SKA3: variants seen among roughly 807,000 people sequenced by gnomAD.
The protein encoded by SKA3 is spindle and kinetochore-associated protein 3.
In SKA3, 39 loss-of-function variants were observed where a neutral mutation model predicts 44.2. That is an observed-to-expected ratio of 0.88 (90% CI 0.68 to 1.15). The LOEUF is 1.15. Ranked by LOEUF, SKA3 falls within the 50% of genes most tolerant of loss-of-function variation. The pLI is 0.00. For missense variants in SKA3, 511 were observed against 485.8 expected, an observed-to-expected ratio of 1.05 and a Z score of -0.49; for synonymous variants, 192 against 172.0, an observed-to-expected ratio of 1.12 and a Z score of -0.91.
chr13:21,163,836 T>C (rs533405606), intron 4 of SKA3, among the ~76,000 whole-genome samples: 2 of 152,342 alleles, frequency 1.3e-5, no homozygotes, highest in East Asian at 1.9e-4. Flanking sequence ...CGATCTCAGC[T>C]CACTGCAACC....
chr13:21,161,410 A>C (rs1197315598), intron 5 of SKA3, among the ~76,000 whole-genome samples: 1 of 152,214 alleles, frequency 6.6e-6, no homozygotes, highest in Non-Finnish European at 1.5e-5. Context: ...AGCTATTTAA[A>C]AGAAACCAAA....
At chr13:21,174,686 A>G (rs1020098578) in intron 1 of SKA3, among the ~76,000 whole-genome samples, 7 of 152,182 alleles carry the variant, frequency 4.6e-5, no homozygotes, top group African/African-American at 1.7e-4. Flanking sequence ...CATATGTAAG[A>G]AACCTGCACG....
At chr13:21,161,435 C>T (rs1180941161) in intron 5 of SKA3, among the ~76,000 whole-genome samples, 3 of 152,134 alleles carry the variant, frequency 2.0e-5, no homozygotes, top group Non-Finnish European at 4.4e-5. Flanking sequence ...AAATTGGCAG[C>T]TGATGTATTC....
chr13:21,176,283 G>T, intron 1 of SKA3, 92 bp downstream of exon 1: 1 of 994,356 alleles, frequency 1.0e-6, no homozygotes, highest in East Asian at 4.4e-5. Flanking sequence ...GTCAGTGCCT[G>T]GCGGTTCCCG....
intron 1 of SKA3, 117 bp downstream of exon 1, chr13:21,176,258 G>T: frequency 1.2e-6 from 1 of 814,882 alleles, no homozygotes; most frequent in Non-Finnish European, 1.8e-6. Flanking sequence ...CGCCTCGGTG[G>T]CAGCCGTCCA....
chr13:21,167,245 T>C (rs910973095), intron 4 of SKA3, among the ~76,000 whole-genome samples: 5 of 152,248 alleles, frequency 3.3e-5, no homozygotes, highest in Non-Finnish European at 7.3e-5. Context: ...TTGGGGTTTA[T>C]CCTAGATCAT....
rs527402885 is a variant in SKA3 at position 21,155,743 on chromosome 13, C to T, written c.1188G>A (p.Arg396=). 65 of 1,611,956 alleles carry T rather than the reference C, an allele frequency of 4.0e-5. No individual in the cohort carries two copies. The highest frequency in any genetic ancestry group is 5.3e-5 in the Non-Finnish European group (63 of 1,179,016). ...IAIKAVPPSK[R]FLKHGQNIRD... ...GGATGTTCTGTCCATGTTTAAGGAA[C>T]CTTTTACTGGGTGGCACTGCTTTAA... The change falls in exon 8 of 9, where the codon AGG becomes AGA. Residue 396 remains arginine (R), a synonymous_variant. Coordinates refer to ENST00000314759, the MANE Select transcript of SKA3 (RefSeq NM_145061.6).
chr13:21,160,322 C>T (rs1870369718), intron 5 of SKA3, among the ~76,000 whole-genome samples: 1 of 151,980 alleles, frequency 6.6e-6, no homozygotes, highest in African/African-American at 2.4e-5. Context: ...GAGAACAGGT[C>T]ACTTGTCTTC....
chr13:21,176,235 A>T, intron 1 of SKA3, 140 bp downstream of exon 1: 1 of 654,358 alleles, frequency 1.5e-6, no homozygotes, highest in Admixed American at 3.5e-5. Context: ...TGAGACGCGC[A>T]GCACCCGCCC....
At chr13:21,167,018 G>A (rs1455191983) in intron 4 of SKA3, among the ~76,000 whole-genome samples, 1 of 151,778 alleles carries the variant, frequency 6.6e-6, no homozygotes, top group Non-Finnish European at 1.5e-5. Context: ...TATTTTCATT[G>A]TAACTCTTAC....
chr13:21,161,747 T>A, intron 5 of SKA3, 43 bp downstream of exon 5: 1 of 1,139,000 alleles, frequency 8.8e-7, no homozygotes, highest in Non-Finnish European at 1.2e-6. Context: ...AAAGATAGTT[T>A]GGGAAAAATG....
intron 1 of SKA3, among the ~76,000 whole-genome samples, chr13:21,173,017 G>A (rs889825993): frequency 2.6e-5 from 4 of 152,106 alleles, no homozygotes; most frequent in Admixed American, 6.6e-5. Context: ...TATGATGTTC[G>A]CACAATAACA....
At chr13:21,163,205 AAAAGAAAGAAAG>A (rs59824329) in intron 4 of SKA3, among the ~76,000 whole-genome samples, 2 of 149,526 alleles carry the variant, frequency 1.3e-5, no homozygotes, top group African/African-American at 4.9e-5. Flanking sequence ...TCTAAAAATA[AAAAGAAAGAAAG>A]AAAGAAAGAA....
In SKA3 at chr13:21,159,675, C is replaced by T. The variant is rs1388192014; in HGVS notation, c.915+227G>A. On this transcript the variant is annotated intron_variant, in intron 6 of 8. Coordinates refer to ENST00000314759, the MANE Select transcript of SKA3 (RefSeq NM_145061.6). ...TCTATAACTTGTTTAAATCTTTGTCCCAATTTGCCTTAGAAAAAATTCAGA... is the reference window on the plus strand; with the variant it reads ...TCTATAACTTGTTTAAATCTTTGTCTCAATTTGCCTTAGAAAAAATTCAGA... Among the ~76,000 whole-genome samples the T allele has an allele frequency of 4.6e-5, 7 of 151,920 alleles. No homozygotes were observed. In the East Asian group the frequency reaches 1.3e-3, roughly 29 times the overall value.
chr13:21,165,857 C>T (rs954064422), intron 4 of SKA3, among the ~76,000 whole-genome samples: 1 of 152,056 alleles, frequency 6.6e-6, no homozygotes, highest in Admixed American at 6.6e-5. Flanking sequence ...ATCACTTAAA[C>T]TCAGGAGGCA....
At chr13:21,172,558 A>G (rs1295799801) in intron 2 of SKA3, 54 bp from the exon 3 acceptor site, 2 of 1,365,536 alleles carry the variant, frequency 1.5e-6, no homozygotes, top group South Asian at 1.6e-5. Context: ...GACTAAATCT[A>G]TTTAGGATAA....
In SKA3 at chr13:21,154,734, G is replaced by A. The variant is rs901972854; in HGVS notation, c.*416C>T. 1.5e-5 allele frequency: 4 copies of A among 266,354 alleles called. No individual in the cohort carries two copies. The highest frequency in any genetic ancestry group is 5.4e-5 in the South Asian group (1 of 18,678). The allele number at this position is 266,354 out of a possible 1,614,324, so 16.5% of individuals were successfully genotyped here. On this transcript the variant is annotated 3_prime_UTR_variant, in exon 9 of 9. Transcript: ENST00000314759. ...ACTGAGCAAGTAAAAGGTGTGGGAC[G>A]GTCCTGAAAGGAGATGATGGGAAGG...
chr13:21,176,139 G>C (rs1871503151), intron 1 of SKA3, among the ~76,000 whole-genome samples: 1 of 152,204 alleles, frequency 6.6e-6, no homozygotes, highest in African/African-American at 2.4e-5. Context: ...GGTTGTACAT[G>C]GGTCTAAAAC....
At chr13:21,174,792 A>AAG (rs1871354823) in intron 1 of SKA3, among the ~76,000 whole-genome samples, 2 of 127,046 alleles carry the variant, frequency 1.6e-5, no homozygotes, top group Admixed American at 1.6e-4. Context: ...ACAACAACAA[A>AAG]AAGCGCATTT....
Sources: allele counts gnomAD v4.1 joint callset (sites outside exome capture counted in the v4.1 genomes callset), GRCh38; gene constraint gnomAD v4.1.1; transcripts MANE v1.5; gene names NCBI Gene and HGNC (gene_info 2026-07-23, HGNC 2026-07-21).